TRHDE: variants seen among roughly 807,000 people sequenced by gnomAD.
TRHDE encodes thyrotropin-releasing hormone-degrading ectoenzyme.
In TRHDE, 72 loss-of-function variants were observed where a neutral mutation model predicts 125.7. The observed-to-expected ratio is 0.57, with a 90% CI of 0.47 to 0.70. TRHDE has a LOEUF of 0.70. TRHDE is among the 30% of genes least tolerant of loss of function. The pLI, the probability that TRHDE is intolerant of heterozygous loss-of-function variation, is 0.00. For missense variants in TRHDE, 1,110 were observed against 1,327.1 expected, an observed-to-expected ratio of 0.84 and a Z score of 2.54; for synonymous variants, 509 against 509.1, an observed-to-expected ratio of 1.00 and a Z score of 0.00.
At chr12:72,645,323 A>G (rs1874237481) in intron 15 of TRHDE, among the ~76,000 whole-genome samples, 1 of 152,212 alleles carries the variant, frequency 6.6e-6, no homozygotes, top group Non-Finnish European at 1.5e-5. Context: ...ACGTAACTGA[A>G]AAATTTACTG....
chr12:72,093,411 CT>C (rs1474970558), intron 1 of TRHDE, among the ~76,000 whole-genome samples: 5 of 152,032 alleles, frequency 3.3e-5, no homozygotes, highest in African/African-American at 1.2e-4. Context: ...TTTAAATAAG[CT>C]TTCTGTGTTT....
At chr12:72,100,208 G>A (rs1422489975) in intron 1 of TRHDE, among the ~76,000 whole-genome samples, 3 of 152,090 alleles carry the variant, frequency 2.0e-5, no homozygotes, top group East Asian at 3.9e-4. Context: ...TTATAAAATA[G>A]GGGCAAAAAT....
rs540457663 is a variant in TRHDE at position 72,153,210 on chromosome 12, G to T, written n.279+47458G>T. 2.8e-3 allele frequency among the ~76,000 whole-genome samples: 419 copies of T among 152,174 alleles called. 1 individual carries two copies. The highest frequency in any genetic ancestry group is 9.7e-3 in the African/African-American group (401 of 41,530). ...GAGGTGTTTATAGTATTCTCTGATG[G>T]TAGTTTGTATTTCTGTGGGATTGGT... On this transcript the variant is annotated intron_variant and non_coding_transcript_variant, in intron 2 of 4. Transcript: ENST00000548156.
intron 15 of TRHDE, among the ~76,000 whole-genome samples, chr12:72,645,532 A>G (rs1317691687): frequency 1.3e-5 from 2 of 152,164 alleles, no homozygotes; most frequent in Non-Finnish European, 2.9e-5. Flanking sequence ...CAGAAAATAA[A>G]GAGAAAGGAC....
chr12:72,249,327 C>T (rs964656631), intron 2 of TRHDE, among the ~76,000 whole-genome samples: 6 of 152,060 alleles, frequency 3.9e-5, no homozygotes, highest in Non-Finnish European at 7.4e-5. Flanking sequence ...AATATATAAA[C>T]TCAGTCATAA....
intron 6 of TRHDE, among the ~76,000 whole-genome samples, chr12:72,510,606 A>G (rs1878542624): frequency 6.6e-6 from 1 of 152,128 alleles, no homozygotes; most frequent in South Asian, 2.1e-4. Flanking sequence ...ATTCTTGTCT[A>G]TTGTGCCATT....
At chr12:72,187,135 A>C (rs1447091606) in intron 2 of TRHDE, among the ~76,000 whole-genome samples, 2 of 152,200 alleles carry the variant, frequency 1.3e-5, no homozygotes, top group Non-Finnish European at 2.9e-5. Flanking sequence ...TTAAAAAGTC[A>C]TATAGGATTA....
chr12:72,156,232 A>G (rs1240801014), intron 2 of TRHDE, among the ~76,000 whole-genome samples: 1 of 152,218 alleles, frequency 6.6e-6, no homozygotes, highest in Non-Finnish European at 1.5e-5. Context: ...CCGTTTGCTA[A>G]GATCATTGGA....
chr12:72,383,149 G>A (rs1872260699), intron 3 of TRHDE, among the ~76,000 whole-genome samples: 1 of 152,112 alleles, frequency 6.6e-6, no homozygotes, highest in African/African-American at 2.4e-5. Flanking sequence ...AAGAGGTGTA[G>A]CACCTACTTA....
chr12:72,123,655 A>G (rs1414896843), intron 2 of TRHDE, among the ~76,000 whole-genome samples: 1 of 152,132 alleles, frequency 6.6e-6, no homozygotes, highest in Non-Finnish European at 1.5e-5. Context: ...ACCTTTTTAA[A>G]AACAAGTTTA....
At chr12:72,587,835 G>A (rs548075772) in intron 12 of TRHDE, among the ~76,000 whole-genome samples, 1 of 151,844 alleles carries the variant, frequency 6.6e-6, no homozygotes, top group South Asian at 2.1e-4. Context: ...TAAATGTAAG[G>A]CAGAAATATG....
chr12:72,463,995 T>C (rs1418683776), intron 3 of TRHDE, among the ~76,000 whole-genome samples: 1 of 152,180 alleles, frequency 6.6e-6, no homozygotes, highest in East Asian at 1.9e-4. Flanking sequence ...CATTTTATTT[T>C]ATGAGGGCTG....
intron 2 of TRHDE, among the ~76,000 whole-genome samples, chr12:72,176,835 T>A (rs1461270355): frequency 2.0e-5 from 3 of 152,234 alleles, no homozygotes; most frequent in Non-Finnish European, 4.4e-5. Flanking sequence ...CATTTTGATA[T>A]TTTGATACCA....
rs749589044 is a variant in TRHDE, at chr12:72,273,370, C to A, written c.727C>A (p.Arg243=). The A allele has an allele frequency of 3.1e-5, 50 of 1,614,010 alleles. No individual in the cohort carries two copies. The highest frequency in any genetic ancestry group is 9.9e-5 in the South Asian group (9 of 91,084). ...GGAGAAAGTGCAGCTGGCCGAGGAC[C>A]GGGCGTTCGGGGCTGTCCCTGTAGC... ...AVEKVQLAED[R]AFGAVPVAGF... Residue 243 remains arginine, a synonymous_variant, in exon 1 of 19, where the codon CGG becomes AGG. Coordinates refer to ENST00000261180, the MANE Select transcript of TRHDE (RefSeq NM_013381.3). This position sits in a 1 kb window ranked among gnomAD's most constrained non-coding sequence, Gnocchi z 5.3.
At chr12:72,592,585 T>C (rs1397373466) in intron 12 of TRHDE, among the ~76,000 whole-genome samples, 1 of 152,132 alleles carries the variant, frequency 6.6e-6, no homozygotes, top group East Asian at 1.9e-4. Context: ...TCTCTATTTT[T>C]GTTGTTTCCT....
At chr12:72,532,543 TTTATTG>T (rs1868610073) in intron 6 of TRHDE, among the ~76,000 whole-genome samples, 1 of 151,230 alleles carries the variant, frequency 6.6e-6, no homozygotes, top group Non-Finnish European at 1.5e-5. Flanking sequence ...AAAGATTGCC[TTTATTG>T]TTAATGGTCC....
intron 2 of TRHDE, among the ~76,000 whole-genome samples, chr12:72,308,747 A>C (rs542321536): frequency 1.3e-5 from 2 of 152,318 alleles, no homozygotes; most frequent in East Asian, 3.9e-4. Flanking sequence ...CAAAACTGTT[A>C]TGCTACCTAA....
intron 2 of TRHDE, among the ~76,000 whole-genome samples, chr12:72,359,189 A>AG: frequency 6.6e-6 from 1 of 151,458 alleles, no homozygotes; most frequent in Non-Finnish European, 1.5e-5. Context: ...AGAAAAAAAA[A>AG]CATATCTGAA....
intron 15 of TRHDE, among the ~76,000 whole-genome samples, chr12:72,634,977 T>C (rs1873670315): frequency 6.6e-6 from 1 of 152,150 alleles, no homozygotes; most frequent in Non-Finnish European, 1.5e-5. Flanking sequence ...TGCATGTGTC[T>C]TTATAGCAGC....
Sources: gnomAD v4.1 joint callset for allele counts (sites outside exome capture counted in the v4.1 genomes callset) on GRCh38, gnomAD v4.1.1 for gene constraint, Gnocchi (gnomAD v3.1) non-coding constraint, MANE v1.5 for transcripts, NCBI Gene and HGNC (gene_info 2026-07-23, HGNC 2026-07-21) for gene names.